Variants in SPEF2 observed in about 807,000 individuals in gnomAD.
SPEF2 encodes sperm flagella and cilia-associated protein 2.
Under a neutral mutation model 224.6 loss-of-function variants are expected in SPEF2, and 187 were observed. The ratio of observed to expected loss-of-function variants is 0.83; its 90% CI spans 0.74 to 0.94. The LOEUF (loss-of-function observed/expected upper bound fraction) is 0.94, where lower values mean the gene tolerates loss of function less well. SPEF2 is among the 40% of genes least tolerant of loss of function. The probability of loss-of-function intolerance (pLI) is 0.00; values close to 1 mark genes in which losing one functional copy is unlikely to be tolerated. For synonymous variants in SPEF2, 715 were observed against 707.3 expected (o/e 1.01, Z -0.17); for missense variants, 2,170 against 2,135.6 (o/e 1.02, Z -0.32).
chr5:35,706,376 T>C (rs1261454260), intron 18 of SPEF2, among the ~76,000 whole-genome samples: 7 of 152,110 alleles, frequency 4.6e-5, no homozygotes, highest in Non-Finnish European at 1.5e-5. Flanking sequence ...CACATAAAAC[T>C]GCACAGATCG....
intron 10 of SPEF2, among the ~76,000 whole-genome samples, chr5:35,682,527 C>G (rs1752983225): frequency 6.6e-6 from 1 of 152,142 alleles, no homozygotes; most frequent in Admixed American, 6.5e-5. Context: ...TTGGGAACAT[C>G]TGGGACATAT....
At chr5:35,623,219 C>T (rs1264080153) in intron 1 of SPEF2, among the ~76,000 whole-genome samples, 3 of 152,174 alleles carry the variant, frequency 2.0e-5, no homozygotes, top group African/African-American at 4.8e-5. Flanking sequence ...AATGCCAAGG[C>T]GTAGCTGTGA....
chr5:35,694,482 A>G (rs983542697), intron 13 of SPEF2, 119 bp downstream of exon 13: 4 of 851,322 alleles, frequency 4.7e-6, no homozygotes, highest in Non-Finnish European at 7.4e-6. Context: ...GGAGTTTTAC[A>G]TAGTTGTCTA....
At chr5:35,792,494 T>C (rs200772130) in intron 31 of SPEF2, 48 bp downstream of exon 31, 156 of 1,463,924 alleles carry the variant, frequency 1.1e-4, no homozygotes, top group Admixed American at 1.0e-3. Flanking sequence ...CATTCTTATT[T>C]GATCAATGCA....
chr5:35,692,515 C>A, intron 11 of SPEF2, 55 bp from the exon 12 acceptor site: 1 of 1,416,150 alleles, frequency 7.1e-7, no homozygotes, highest in Non-Finnish European at 9.7e-7. Context: ...ATAAAGACAA[C>A]AATTTCCATT....
intron 8 of SPEF2, among the ~76,000 whole-genome samples, chr5:35,660,314 A>C (rs997049282): frequency 6.6e-6 from 1 of 152,142 alleles, no homozygotes; most frequent in Non-Finnish European, 1.5e-5. Context: ...TGTCTTTACT[A>C]TCATAAGATA....
In SPEF2 at chr5:35,751,069, A is replaced by ACG. The variant is rs1188935807; in HGVS notation, c.3331-2555_3331-2554insCG. 7.7e-3 allele frequency among the ~76,000 whole-genome samples: 365 copies of ACG among 47,270 alleles called. 22 individuals are homozygous for ACG. The highest frequency in any genetic ancestry group is 0.024 in the African/African-American group (330 of 13,576). 31.0% of individuals were successfully genotyped at this position (47,270 alleles called of 152,430 possible). ...TATATATATATACGTATATATATGT[A>ACG]TATATATATACACACACACACACAC... On this transcript the variant is annotated intron_variant, in intron 23 of 36. Transcript: ENST00000356031.
At chr5:35,770,184 A>G (rs1031142528) in intron 26 of SPEF2, among the ~76,000 whole-genome samples, 1 of 152,124 alleles carries the variant, frequency 6.6e-6, no homozygotes, top group Admixed American at 6.6e-5. Context: ...GTACAACCCC[A>G]GTGACACAAG....
At chr5:35,638,308 G>A (rs1403188506) in intron 2 of SPEF2, among the ~76,000 whole-genome samples, 1 of 151,708 alleles carries the variant, frequency 6.6e-6, no homozygotes, top group Non-Finnish European at 1.5e-5. Flanking sequence ...AGAAATTCAA[G>A]TGTTCCAGTC....
At chr5:35,631,540 A>G (rs867911625) in intron 2 of SPEF2, among the ~76,000 whole-genome samples, 1 of 152,210 alleles carries the variant, frequency 6.6e-6, no homozygotes, top group Non-Finnish European at 1.5e-5. Flanking sequence ...TCAGGCACTT[A>G]AAAAAACTGT....
At chr5:35,743,281 A>C (rs957445571) in intron 23 of SPEF2, among the ~76,000 whole-genome samples, 9 of 152,090 alleles carry the variant, frequency 5.9e-5, no homozygotes, top group Non-Finnish European at 7.4e-5. Context: ...CTTGGAATTA[A>C]ATTTAAAATT....
At chr5:35,807,612 A>G (rs1758237824) in intron 36 of SPEF2, 2 of 1,525,192 alleles carry the variant, frequency 1.3e-6, no homozygotes, top group South Asian at 1.2e-5. Context: ...AAGTGCTGAC[A>G]TATTCATTGT....
intron 30 of SPEF2, chr5:35,781,694 CAA>C (rs1484321970): frequency 1.3e-5 from 2 of 152,114 alleles, no homozygotes; most frequent in African/African-American, 4.8e-5. Flanking sequence ...TGTGATGATT[CAA>C]AGTGAGTTAT....
chr5:35,688,602 T>C (rs1411322470), intron 10 of SPEF2, among the ~76,000 whole-genome samples: 2 of 152,194 alleles, frequency 1.3e-5, no homozygotes, highest in East Asian at 1.9e-4. Context: ...ATAATTCTTA[T>C]TCAGTCATGG....
intron 11 of SPEF2, 123 bp from the exon 12 acceptor site, chr5:35,692,447 G>C: frequency 1.4e-6 from 1 of 705,024 alleles, no homozygotes; most frequent in Non-Finnish European, 2.3e-6. Context: ...AAAGAAACTT[G>C]ATCCAAAAGA....
chr5:35,637,581 A>C (rs1354750381), intron 2 of SPEF2, among the ~76,000 whole-genome samples: 1 of 152,228 alleles, frequency 6.6e-6, no homozygotes, highest in Non-Finnish European at 1.5e-5. Context: ...ATGACACAAA[A>C]GAAGCCATGG....
rs34350879 is a variant in SPEF2 at position 35,706,049 on chromosome 5, T to TA, written c.2665+251dup. On this transcript the variant is annotated intron_variant, in intron 18 of 36. Coordinates refer to ENST00000356031, the MANE Select transcript of SPEF2 (RefSeq NM_024867.4). ...TCTCTCTGAAAGCATTGTTTTCACA[T>TA]AAAAAAAAAACAAGAAAAAAACCCA... is the stretch of plus-strand genomic sequence containing the variant. Among the ~76,000 whole-genome samples, 732 of 127,714 alleles carry TA rather than the reference T, an allele frequency of 5.7e-3. 8 individuals carry two copies. The highest frequency in any genetic ancestry group is 0.017 in the African/African-American group (579 of 33,496). The allele number at this position is 127,714 out of a possible 152,430, so 83.8% of individuals were successfully genotyped here.
At chr5:35,788,288 C>T in intron 30 of SPEF2, 1 of 702,880 alleles carries the variant, frequency 1.4e-6, no homozygotes, top group Non-Finnish European at 2.6e-6. Context: ...GACCGGACGT[C>T]CCCTCAAAGA....
intron 20 of SPEF2, among the ~76,000 whole-genome samples, chr5:35,716,325 G>A (rs1056574774): frequency 2.0e-5 from 3 of 151,986 alleles, no homozygotes; most frequent in Admixed American, 6.6e-5. Flanking sequence ...TTTACTAATA[G>A]AATAATTTTC....
Sources: gnomAD v4.1 joint callset for allele counts (sites outside exome capture counted in the v4.1 genomes callset) on GRCh38, gnomAD v4.1.1 for gene constraint, MANE v1.5 for transcripts, NCBI Gene and HGNC (gene_info 2026-07-23, HGNC 2026-07-21) for gene names.